JPH2: variants seen among roughly 807,000 people sequenced by gnomAD.
The protein encoded by JPH2 is junctophilin 2, also known as junctophilin-2.
JPH2 carries 38 observed loss-of-function variants against 55.9 expected under a neutral mutation model. That is an observed-to-expected ratio of 0.68 (90% confidence interval 0.52 to 0.89). The LOEUF is 0.89. JPH2 is among the 40% of genes least tolerant of loss of function. The probability of loss-of-function intolerance (pLI) is 0.00; values close to 1 mark genes in which losing one functional copy is unlikely to be tolerated. For missense variants in JPH2, 964 were observed against 1,037.6 expected, an observed-to-expected ratio of 0.93 and a Z score of 0.97; for synonymous variants, 480 against 472.4, an observed-to-expected ratio of 1.02 and a Z score of -0.21.
intron 2 of JPH2, among the ~76,000 whole-genome samples, chr20:44,132,294 G>A (rs562465209): frequency 6.8e-6 from 1 of 147,982 alleles, no homozygotes; most frequent in East Asian, 2.1e-4. Context: ...GGAAAGATAG[G>A]TAAGAAACTT....
In JPH2 at chr20:44,157,012, G is replaced by T. The variant is rs557453186; in HGVS notation, c.1169+2606C>A. ...GATGCTTGGGTTCTCCCACTTGCTT[G>T]CCAGGTAGTCTTGGGCATGTTACAT... On this transcript the variant is annotated intron_variant, in intron 2 of 5. Transcript: ENST00000372980. Among the ~76,000 whole-genome samples the T allele has an allele frequency of 2.0e-5, 3 of 152,322 alleles. No individual in the cohort carries two copies. The South Asian group carries it at 6.2e-4, about 32-fold the overall frequency.
At position 44,186,311 on chromosome 20, in the gene JPH2, C is replaced by T; in HGVS notation, c.379+16G>A. On this transcript the variant is annotated intron_variant, in intron 1 of 5. Transcript: ENST00000372980. Reference sequence around the variant, plus strand: ...CTGGCTCCACCCCACCTCTGCGGGCCCCCAGCTGGCCTCACCTCCATCAGC... The same window carrying T: ...CTGGCTCCACCCCACCTCTGCGGGCTCCCAGCTGGCCTCACCTCCATCAGC... 1.2e-6 allele frequency: 2 copies of T among 1,609,636 alleles called. No individual in the cohort carries two copies. The highest frequency in any genetic ancestry group is 8.5e-7 in the Non-Finnish European group (1 of 1,179,922).
intron 2 of JPH2, among the ~76,000 whole-genome samples, chr20:44,145,415 G>A (rs2072486780): frequency 6.6e-6 from 1 of 152,080 alleles, no homozygotes; most frequent in Non-Finnish European, 1.5e-5. Flanking sequence ...GACCAGCCTG[G>A]CCAACATAGT....
chr20:44,159,502 G>T lies in JPH2; in HGVS notation c.1169+116C>A. On this transcript the variant is annotated intron_variant, in intron 2 of 5. Transcript: ENST00000372980. This position sits in a 1 kb window ranked among gnomAD's most constrained non-coding sequence, Gnocchi z 5.7. Reference sequence around the variant, plus strand: ...GAGCCTCCAATTAACCCCTGAAGGTGATGGGGGTAAAAGAAGCAGAATCAG... The same window carrying T: ...GAGCCTCCAATTAACCCCTGAAGGTTATGGGGGTAAAAGAAGCAGAATCAG... 1 of 1,082,482 alleles carries T rather than the reference G, an allele frequency of 9.2e-7. No individual in the cohort carries two copies. Among genetic ancestry groups the T allele is most frequent in the South Asian group, 1.4e-5 (1 of 71,920 alleles). The allele number at this position is 1,082,482 out of a possible 1,614,324, so 67.1% of individuals were successfully genotyped here. A position where few individuals can be genotyped will look rare whatever the true frequency, so the allele number is the denominator to read the frequency against.
At chr20:44,176,948 C>T (rs1281535270) in intron 1 of JPH2, 3 of 985,506 alleles carry the variant, frequency 3.0e-6, no homozygotes, top group Admixed American at 6.1e-5. Context: ...ACCCCATCCA[C>T]AGCAATGGGC....
At chr20:44,162,651 T>C (rs903583639) in intron 1 of JPH2, among the ~76,000 whole-genome samples, 2 of 150,384 alleles carry the variant, frequency 1.3e-5, no homozygotes, top group Non-Finnish European at 3.0e-5. Flanking sequence ...TTCTTCAGCT[T>C]TGGGACTCGG....
chr20:44,133,305 T>C (rs1431262225), intron 2 of JPH2, among the ~76,000 whole-genome samples: 2 of 151,464 alleles, frequency 1.3e-5, no homozygotes, highest in African/African-American at 4.9e-5. Context: ...ATATTCTGAA[T>C]GTGCATAAAT....
intron 1 of JPH2, among the ~76,000 whole-genome samples, chr20:44,170,488 G>C (rs1359866979): frequency 6.6e-6 from 1 of 152,228 alleles, no homozygotes; most frequent in Non-Finnish European, 1.5e-5. Context: ...CAGATACAGA[G>C]TGAGCATCAG....
intron 1 of JPH2, chr20:44,177,518 G>A: frequency 9.5e-7 from 1 of 1,056,180 alleles, no homozygotes; most frequent in Non-Finnish European, 1.1e-6. Flanking sequence ...TTTCTGTTCT[G>A]CTAAGGGTCT....
At chr20:44,174,177 G>A (rs2072717472) in intron 1 of JPH2, among the ~76,000 whole-genome samples, 1 of 152,108 alleles carries the variant, frequency 6.6e-6, no homozygotes, top group Non-Finnish European at 1.5e-5. Flanking sequence ...TTCATTATAC[G>A]GGGAAGGAAG....
At chr20:44,178,069 C>G in intron 1 of JPH2, 6 of 778,698 alleles carry the variant, frequency 7.7e-6, no homozygotes, top group Non-Finnish European at 1.4e-5. Flanking sequence ...GAACCCAGAT[C>G]TGCCTACTCT....
chr20:44,120,888 C>T (rs910113437), intron 2 of JPH2, among the ~76,000 whole-genome samples: 1 of 152,216 alleles, frequency 6.6e-6, no homozygotes, highest in Non-Finnish European at 1.5e-5. Context: ...GAGCATGTGC[C>T]AGAGCCTGTG....
In JPH2 at chr20:44,112,656, C is replaced by G. The variant is rs571279601; in HGVS notation, c.*862G>C. 6 of 152,534 alleles carry G rather than the reference C, an allele frequency of 3.9e-5. No individual in the cohort carries two copies. The East Asian group carries it at 1.2e-3, about 30-fold the overall frequency. 9.4% of individuals were successfully genotyped at this position (152,534 alleles called of 1,614,324 possible). On this transcript the variant is annotated 3_prime_UTR_variant, in exon 6 of 6. Coordinates refer to ENST00000372980, the MANE Select transcript of JPH2 (RefSeq NM_020433.5). ...TTTCACAGGGCATCACAGGAGATTT[C>G]TCGCCGGCCCCAGGCCTCCTGCAGG...
At position 44,112,917 on chromosome 20, in the gene JPH2, C is replaced by A. The variant is rs1041357051; in HGVS notation, c.*601G>T. 1 of 152,390 alleles carries A rather than the reference C, an allele frequency of 6.6e-6. No individual in the cohort carries two copies. Among genetic ancestry groups the A allele is most frequent in the Non-Finnish European group, 1.5e-5 (1 of 68,180 alleles). 9.4% of individuals were successfully genotyped at this position (152,390 alleles called of 1,614,324 possible). On this transcript the variant is annotated 3_prime_UTR_variant, in exon 6 of 6. Transcript: ENST00000372980. ...ACAGAGCACTGTGTTCTGGGATATT[C>A]AAACTGACCTTGTCCATTTCCTCTA...
chr20:44,185,544 T>G (rs2072828639), intron 1 of JPH2, among the ~76,000 whole-genome samples: 1 of 151,430 alleles, frequency 6.6e-6, no homozygotes, highest in Non-Finnish European at 1.5e-5. Flanking sequence ...CTGAGGTTGG[T>G]GGACCACTTG....
chr20:44,174,348 C>T (rs2072718595), intron 1 of JPH2, among the ~76,000 whole-genome samples: 1 of 152,150 alleles, frequency 6.6e-6, no homozygotes, highest in Admixed American at 6.5e-5. Flanking sequence ...GGGAGGCCAT[C>T]CAGGATTCTG....
chr20:44,124,319 C>T (rs1355326955), intron 2 of JPH2, among the ~76,000 whole-genome samples: 1 of 152,068 alleles, frequency 6.6e-6, no homozygotes, highest in South Asian at 2.1e-4. Flanking sequence ...CGGACTTGCC[C>T]TGACTCTAGG....
intron 2 of JPH2, among the ~76,000 whole-genome samples, chr20:44,124,760 G>T (rs2072263782): frequency 6.6e-6 from 1 of 151,864 alleles, no homozygotes; most frequent in Non-Finnish European, 1.5e-5. Flanking sequence ...CCAGCCTGCT[G>T]CCAGCTTTTG....
In JPH2 at chr20:44,147,609, C is replaced by T. The variant is rs181112492; in HGVS notation, c.1169+12009G>A. Among the ~76,000 whole-genome samples, 3 of 152,214 alleles carry T rather than the reference C, an allele frequency of 2.0e-5. No homozygotes were observed. The East Asian group carries it at 5.8e-4, about 29-fold the overall frequency. ...CAACGGTCACTTCAGAGGTGCAACC[C>T]GGGTGGAAGTAGAACAGGGGATTTA... On this transcript the variant is annotated intron_variant, in intron 2 of 5. Transcript: ENST00000372980.
Sources: allele counts gnomAD v4.1 joint callset (sites outside exome capture counted in the v4.1 genomes callset), GRCh38; gene constraint gnomAD v4.1.1; non-coding constraint Gnocchi (gnomAD v3.1); transcripts MANE v1.5; gene names NCBI Gene and HGNC (gene_info 2026-07-23, HGNC 2026-07-21).